RIF1: variants seen among roughly 807,000 people sequenced by gnomAD.
RIF1 encodes telomere-associated protein RIF1.
A neutral mutation model predicts 247.1 loss-of-function variants in RIF1; 45 were observed. That is an observed-to-expected ratio of 0.18 (90% CI 0.14 to 0.23). RIF1 has a LOEUF of 0.23. Among genes scored for constraint, RIF1 ranks in the 10% least tolerant of loss-of-function variants. RIF1 has a pLI of 1.00. For missense variants in RIF1, 2,967 were observed against 2,862.5 expected, an observed-to-expected ratio of 1.04 and a Z score of -0.83; for synonymous variants, 1,087 against 978.8, an observed-to-expected ratio of 1.11 and a Z score of -2.06.
At chr2:151,449,962 C>T (rs559160423) in intron 20 of RIF1, among the ~76,000 whole-genome samples, 2 of 152,014 alleles carry the variant, frequency 1.3e-5, no homozygotes, top group Admixed American at 6.6e-5. Flanking sequence ...CTGCCTTAGC[C>T]TCCCTAGTAG....
Position 151,506,205 on chromosome 2 carries a change from C to G in RIF1, c.*862-5C>G, listed in dbSNP as rs1046111595. The stretch of plus-strand genomic sequence containing the variant: ...CCTGTGTTTGTTTCACTCTCATCAT[C>G]TCAGGTGTCTTTCCGATAGCCGTTC... On this transcript the variant is annotated splice_region_variant and splice_polypyrimidine_tract_variant and intron_variant and NMD_transcript_variant, in intron 12 of 13. Coordinates refer to the RIF1 transcript ENST00000454583. The G allele has an allele frequency of 1.2e-6, 2 of 1,613,768 alleles. No homozygotes were observed. The highest frequency in any genetic ancestry group is 1.7e-5 in the Admixed American group (1 of 60,032).
rs577350705 is a variant in RIF1, at chr2:151,492,388, G to A, written c.*416-2841G>A. ...AATCCTAAAGAATTCCTGACTCACC[G>A]TTGAGATGTGCCGTTGGGTCTCCCT... On this transcript the variant is annotated intron_variant and NMD_transcript_variant, in intron 9 of 13. Coordinates refer to the RIF1 transcript ENST00000454583. 23 of 1,600,838 alleles carry A rather than the reference G, an allele frequency of 1.4e-5. No individual in the cohort carries two copies. The highest frequency in any genetic ancestry group is 3.4e-5 in the Admixed American group (2 of 58,574).
At position 151,464,621 on chromosome 2, in the gene RIF1, G is replaced by T. The variant is rs1343611863; in HGVS notation, c.5101G>T (p.Gly1701Trp). The T allele has an allele frequency of 1.2e-6, 2 of 1,613,578 alleles. No homozygotes were observed. The highest frequency in any genetic ancestry group is 4.5e-5 in the East Asian group (2 of 44,854). The stretch of plus-strand genomic sequence containing the variant: ...TAGTTTGGGAGAATCCTCAAAAATA[G>T]GGATATCAGATATTTCTTCGCTTTC... ...NCSLGESSKI[G>W]ISDISSLSEK... The change falls in exon 30 of 36, where the codon GGG becomes TGG. Residue 1701 changes from glycine (G) to tryptophan (W), a missense_variant. Around this residue, in one of 7 missense-constraint regions of RIF1, gnomAD observed 2,028 missense variants for 1,825.6 expected, o/e 1.11. Coordinates refer to ENST00000444746, the MANE Select transcript of RIF1 (RefSeq NM_018151.5).
At chr2:151,411,138 A>T in intron 2 of RIF1, 122 bp from the exon 3 acceptor site, 1 of 647,874 alleles carries the variant, frequency 1.5e-6, no homozygotes, top group Non-Finnish European at 2.8e-6. Flanking sequence ...GACCTTACCT[A>T]CTGGGTCAAT....
chr2:151,435,893 G>A (rs2432936), intron 11 of RIF1, among the ~76,000 whole-genome samples: 98,631 of 151,782 alleles, frequency 0.65, 32,397 homozygotes, highest in East Asian at 0.77. Flanking sequence ...CTAACATGAA[G>A]CTGTTGATTT....
chr2:151,474,661 A>G (rs1285483728), intron 35 of RIF1, among the ~76,000 whole-genome samples, 196 bp from the exon 36 acceptor site: 2 of 152,132 alleles, frequency 1.3e-5, no homozygotes, highest in Non-Finnish European at 2.9e-5. Context: ...GGGCAATAGA[A>G]TGAGGCTCCA....
intron 21 of RIF1, among the ~76,000 whole-genome samples, chr2:151,453,006 GGAAATTGTT>G (rs1268702932): frequency 6.6e-6 from 1 of 152,064 alleles, no homozygotes; most frequent in East Asian, 1.9e-4. Flanking sequence ...CTAACCGAAA[GGAAATTGTT>G]ATTATCAGGA....
chr2:151,501,293 G>T, intron 11 of RIF1: 1 of 803,550 alleles, frequency 1.2e-6, no homozygotes, highest in East Asian at 2.8e-5. Context: ...AAAAGATTTT[G>T]TTAAATTGAT....
In RIF1 at chr2:151,475,046, C is replaced by G. The variant is rs1254909055; in HGVS notation, c.7394C>G (p.Ser2465Ter). 2.5e-6 allele frequency: 4 copies of G among 1,611,248 alleles called. No individual in the cohort carries two copies. Among genetic ancestry groups the G allele is most frequent in the Non-Finnish European group, 3.4e-6 (4 of 1,177,806 alleles). Residue 2465 changes from serine to a stop codon, truncating the protein, a stop_gained, in exon 36 of 36, where the codon TCA (serine) becomes TGA (stop). Coordinates refer to ENST00000444746, the MANE Select transcript of RIF1 (RefSeq NM_018151.5). LOFTEE classifies it high-confidence loss of function. ...VIKNLQSRWR[S>*]PSHENSI is the part of the protein sequence containing the mutation. The stretch of plus-strand genomic sequence containing the variant: ...AAAAATCTACAGTCACGTTGGAGAT[C>G]ACCATCCCATGAAAATTCTATTTAG...
intron 25 of RIF1, 110 bp from the exon 26 acceptor site, chr2:151,459,890 T>C: frequency 4.4e-6 from 4 of 904,126 alleles, no homozygotes; most frequent in South Asian, 3.5e-5. Flanking sequence ...ATTAGAAAAA[T>C]TTTGACAATA....
chr2:151,433,891 G>T (rs937829914), intron 10 of RIF1, among the ~76,000 whole-genome samples: 1 of 152,090 alleles, frequency 6.6e-6, no homozygotes, highest in Non-Finnish European at 1.5e-5. Context: ...ATAGAAATCA[G>T]CCGGGCGCGG....
rs903342847 is a variant in RIF1 at position 151,430,169 on chromosome 2, C to T, written c.925+1247C>T. 9.2e-5 allele frequency among the ~76,000 whole-genome samples: 14 copies of T among 151,854 alleles called. No homozygotes were observed. In the South Asian group the frequency reaches 1.9e-3, roughly 20 times the overall value. On this transcript the variant is annotated intron_variant, in intron 9 of 35. Coordinates refer to ENST00000444746, the MANE Select transcript of RIF1 (RefSeq NM_018151.5). ...CCGATTAGTTGGGATTACAGGTGCT[C>T]GTCACCACGCCCAGCTAATTTTTTT...
At chr2:151,426,660 T>TTTTTTTTTTG (rs1473919622) in intron 8 of RIF1, among the ~76,000 whole-genome samples, 18 of 143,672 alleles carry the variant, frequency 1.3e-4, no homozygotes, top group African/African-American at 4.4e-4. Context: ...TTATTTAGGG[T>TTTTTTTTTTG]TTTTTTTTTG....
At chr2:151,410,164 G>C (rs1265330875) in intron 1 of RIF1, 131 bp downstream of exon 1, 1 of 655,620 alleles carries the variant, frequency 1.5e-6, no homozygotes, top group Non-Finnish European at 2.8e-6. Flanking sequence ...TCCCTCTGTT[G>C]AAAGCTGCCC....
At chr2:151,514,235 TG>T in the RIF1 span, 1 of 906,526 alleles carries the variant, frequency 1.1e-6, no homozygotes, top group Non-Finnish European at 1.8e-6. Context: ...TCTCTGTTTT[TG>T]TTTTGCTTTT....
At position 151,465,225 on chromosome 2, in the gene RIF1, A is replaced by G. The variant is rs764171264; in HGVS notation, c.5705A>G (p.Asn1902Ser). 3.4e-5 allele frequency: 54 copies of G among 1,610,740 alleles called. No homozygotes were observed. The highest frequency in any genetic ancestry group is 4.3e-5 in the Non-Finnish European group (51 of 1,179,344). The change falls in exon 30 of 36, where the codon AAT (asparagine) becomes AGT (serine). Residue 1902 changes from asparagine (N) to serine (S), a missense_variant. Around this residue, in one of 7 missense-constraint regions of RIF1, gnomAD observed 2,028 missense variants for 1,825.6 expected, o/e 1.11. Transcript: ENST00000444746. ...LSLENVTVEG[N>S]ACKVTESNLE... ...CTAGAGAATGTTACTGTTGAAGGAA[A>G]TGCATGTAAAGTAACAGAATCCAAT...
At chr2:151,424,041 C>G (rs922287532) in intron 8 of RIF1, among the ~76,000 whole-genome samples, 5 of 152,168 alleles carry the variant, frequency 3.3e-5, no homozygotes, top group African/African-American at 1.2e-4. Flanking sequence ...CTAGGTACCT[C>G]ATAAAAGTGA....
intron 11 of RIF1, among the ~76,000 whole-genome samples, chr2:151,500,773 A>G (rs1470636469): frequency 2.6e-5 from 4 of 151,598 alleles, no homozygotes; most frequent in African/African-American, 4.8e-5. Flanking sequence ...AATTTTTTCT[A>G]TTTTTAGCAG....
At chr2:151,412,515 T>G (rs1686429487) in intron 3 of RIF1, among the ~76,000 whole-genome samples, 1 of 151,892 alleles carries the variant, frequency 6.6e-6, no homozygotes, top group African/African-American at 2.4e-5. Context: ...TGAGACAGAG[T>G]CTTGCTGTGT....
Sources: gnomAD v4.1 joint callset for allele counts (sites outside exome capture counted in the v4.1 genomes callset) on GRCh38, gnomAD v4.1.1 for gene constraint, gnomAD v4.1.1 regional missense constraint, MANE v1.5 for transcripts, NCBI Gene and HGNC (gene_info 2026-07-23, HGNC 2026-07-21) for gene names.